The following CBLN2 variants were observed in gnomAD, a reference collection of about 807,000 sequenced individuals.
CBLN2 encodes the protein cerebellin-2.
In CBLN2, 7 loss-of-function variants were observed where a neutral mutation model predicts 15.0. The ratio of observed to expected loss-of-function variants is 0.47; its 90% CI spans 0.27 to 0.88. CBLN2 has a LOEUF of 0.88. CBLN2 is among the 40% of genes least tolerant of loss of function. The pLI is 0.14. For synonymous variants in CBLN2, 149 were observed against 135.2 expected (o/e 1.10, Z -0.71); for missense variants, 242 against 304.5 (o/e 0.79, Z 1.53).
At chr18:72,566,648 A>G (rs1194254905) in intron 1 of CBLN2, among the ~76,000 whole-genome samples, 1 of 152,158 alleles carries the variant, frequency 6.6e-6, no homozygotes, top group Non-Finnish European at 1.5e-5. Flanking sequence ...AAGGCTGTGG[A>G]GGGTAGGAGC....
Position 72,626,259 on chromosome 18 carries a change from G to A in CBLN2, c.15+12066C>T, listed in dbSNP as rs371432090. ...GAAGTTGTAATTTATTACTTTCCCT[G>A]GGAGTATTTTTTTTAATCAGTAGGG... On this transcript the variant is annotated intron_variant, in intron 1 of 2. Transcript: ENST00000581073. Among the ~76,000 whole-genome samples the A allele has an allele frequency of 6.6e-5, 10 of 152,114 alleles. No homozygotes were observed. The South Asian group carries it at 1.9e-3, about 28-fold the overall frequency.
intron 1 of CBLN2, among the ~76,000 whole-genome samples, chr18:72,568,797 T>C (rs1359752291): frequency 1.3e-5 from 2 of 152,184 alleles, no homozygotes; most frequent in East Asian, 1.9e-4. Context: ...TACCACAAAA[T>C]TGGCAAGTGC....
intron 1 of CBLN2, among the ~76,000 whole-genome samples, chr18:72,615,182 T>A (rs1029688419): frequency 1.3e-4 from 17 of 133,386 alleles, no homozygotes; most frequent in African/African-American, 4.1e-4. Context: ...TATATTTATA[T>A]ATTATATATA....
intron 1 of CBLN2, among the ~76,000 whole-genome samples, chr18:72,607,135 G>A (rs1336600180): frequency 6.6e-6 from 1 of 152,178 alleles, no homozygotes; most frequent in South Asian, 2.1e-4. Flanking sequence ...CTGTGAACAT[G>A]ATCATCTGTG....
At chr18:72,581,746 A>G (rs917717261) in intron 1 of CBLN2, among the ~76,000 whole-genome samples, 1 of 151,844 alleles carries the variant, frequency 6.6e-6, no homozygotes, top group Admixed American at 6.6e-5. Context: ...TTGTTTGTAA[A>G]TTTTTTCTCT....
intron 1 of CBLN2, among the ~76,000 whole-genome samples, chr18:72,628,411 G>A (rs1298679791): frequency 6.6e-6 from 1 of 152,222 alleles, no homozygotes; most frequent in East Asian, 1.9e-4. Context: ...AATTGACAGA[G>A]GGAGAAACTG....
chr18:72,622,937 T>A (rs1429780997), intron 1 of CBLN2, among the ~76,000 whole-genome samples: 2 of 152,182 alleles, frequency 1.3e-5, no homozygotes, highest in Non-Finnish European at 2.9e-5. Context: ...GTTCCTGCAT[T>A]GCTATAAAGA....
At chr18:72,553,011 A>C (rs2069200832) in intron 1 of CBLN2, among the ~76,000 whole-genome samples, 1 of 152,206 alleles carries the variant, frequency 6.6e-6, no homozygotes, top group African/African-American at 2.4e-5. Flanking sequence ...TTACTTTGGA[A>C]ATATTTGTTT....
At chr18:72,591,949 G>A (rs756204850) in intron 1 of CBLN2, among the ~76,000 whole-genome samples, 3 of 152,084 alleles carry the variant, frequency 2.0e-5, no homozygotes, top group Non-Finnish European at 4.4e-5. Flanking sequence ...GAATAGTGCT[G>A]CAATAAACAT....
chr18:72,618,049 T>C (rs1185773532), intron 1 of CBLN2, among the ~76,000 whole-genome samples: 2 of 152,218 alleles, frequency 1.3e-5, no homozygotes, highest in Non-Finnish European at 2.9e-5. Flanking sequence ...GGTTTATTTA[T>C]AAGATTTTCA....
chr18:72,634,886 T>C (rs1413533146), intron 1 of CBLN2, among the ~76,000 whole-genome samples: 1 of 152,132 alleles, frequency 6.6e-6, no homozygotes, highest in Non-Finnish European at 1.5e-5. Flanking sequence ...TCCAGTGCAG[T>C]CAAACAGGCA....
intron 1 of CBLN2, chr18:72,552,529 A>G (rs1230622583): frequency 1.3e-5 from 2 of 152,192 alleles, no homozygotes; most frequent in Non-Finnish European, 2.9e-5. Flanking sequence ...GTAATACAAA[A>G]GCTAACAATC....
chr18:72,626,464 T>C (rs999900045), intron 1 of CBLN2, among the ~76,000 whole-genome samples: 1 of 152,056 alleles, frequency 6.6e-6, no homozygotes, highest in Admixed American at 6.6e-5. Context: ...CTTTGGGAAG[T>C]TGAGGTGGGT....
intron 1 of CBLN2, among the ~76,000 whole-genome samples, chr18:72,625,752 G>T (rs1224270120): frequency 1.7e-5 from 2 of 115,700 alleles, no homozygotes; most frequent in African/African-American, 6.1e-5. Flanking sequence ...TAGACCAAAT[G>T]CTGAAGAGTA....
At chr18:72,607,102 A>G (rs920774483) in intron 1 of CBLN2, among the ~76,000 whole-genome samples, 3 of 152,232 alleles carry the variant, frequency 2.0e-5, no homozygotes, top group Non-Finnish European at 4.4e-5. Flanking sequence ...GCTTGGGCAC[A>G]GGCATGGTTA....
intron 1 of CBLN2, among the ~76,000 whole-genome samples, chr18:72,630,548 C>T (rs933046717): frequency 9.2e-6 from 1 of 108,130 alleles, no homozygotes. Flanking sequence ...CCCTCCCCCC[C>T]ACACACACAC....
intron 1 of CBLN2, among the ~76,000 whole-genome samples, chr18:72,615,369 C>A (rs947937183): frequency 1.1e-4 from 16 of 149,778 alleles, no homozygotes; most frequent in African/African-American, 3.4e-4. Context: ...CTCCTCCTCC[C>A]GGGTTCAAAC....
intron 1 of CBLN2, among the ~76,000 whole-genome samples, chr18:72,610,117 C>G (rs956001535): frequency 6.6e-6 from 1 of 152,126 alleles, no homozygotes; most frequent in Non-Finnish European, 1.5e-5. Flanking sequence ...CCTAATGTTT[C>G]TTTCTTTTAG....
In CBLN2 at chr18:72,541,793, C is replaced by G. The variant is rs370681081; in HGVS notation, c.357+11G>C. On this transcript the variant is annotated intron_variant, in intron 3 of 4. Coordinates refer to ENST00000269503, the MANE Select transcript of CBLN2 (RefSeq NM_182511.4). Reference sequence around the variant, plus strand: ...CGGGCTGGGGGCGGGGTGGGCAGGCCGACGGCTGACCTGGTCGAAATAGAT... The same window carrying G: ...CGGGCTGGGGGCGGGGTGGGCAGGCGGACGGCTGACCTGGTCGAAATAGAT... 367 of 1,519,418 alleles carry G rather than the reference C, an allele frequency of 2.4e-4. 1 individual carries two copies. In the African/African-American group the frequency reaches 4.5e-3, roughly 19 times the overall value. 94.1% of individuals were successfully genotyped at this position (1,519,418 alleles called of 1,614,324 possible).
Sources: gnomAD v4.1 joint callset for allele counts (sites outside exome capture counted in the v4.1 genomes callset) on GRCh38, gnomAD v4.1.1 for gene constraint, MANE v1.5 for transcripts, NCBI Gene and HGNC (gene_info 2026-07-23, HGNC 2026-07-21) for gene names.